Variants in CHODL observed in about 807,000 individuals in gnomAD.
CHODL encodes the protein chondrolectin, also known as transmembrane protein MT75.
A neutral mutation model predicts 34.5 loss-of-function variants in CHODL; 29 were observed. The ratio of observed to expected loss-of-function variants is 0.84; its 90% CI spans 0.63 to 1.15. The LOEUF (loss-of-function observed/expected upper bound fraction) is 1.15. Among genes scored for constraint, CHODL ranks in the 50% most tolerant of loss-of-function variants. CHODL has a pLI of 0.00. For synonymous variants in CHODL, 125 were observed against 116.1 expected, an observed-to-expected ratio of 1.08 and a Z score of -0.49; for missense variants, 332 against 332.5, an observed-to-expected ratio of 1.00 and a Z score of 0.01.
At chr21:18,117,764 T>C (rs2065431297) in intron 2 of CHODL, among the ~76,000 whole-genome samples, 1 of 151,824 alleles carries the variant, frequency 6.6e-6, no homozygotes, top group Non-Finnish European at 1.5e-5. Context: ...ATAGACATTT[T>C]AAAAGGGAGG....
At chr21:17,955,721 A>G (rs1450519390) in intron 1 of CHODL, among the ~76,000 whole-genome samples, 1 of 136,718 alleles carries the variant, frequency 7.3e-6, no homozygotes, top group Non-Finnish European at 1.7e-5. Context: ...TGCTTTAGGG[A>G]AAAAAATTGC....
At chr21:18,102,655 T>C (rs2065229620) in intron 2 of CHODL, among the ~76,000 whole-genome samples, 1 of 152,194 alleles carries the variant, frequency 6.6e-6, no homozygotes, top group African/African-American at 2.4e-5. Context: ...GAAATACCTA[T>C]TGCTCTTTAT....
At chr21:18,054,600 T>C (rs1204698324) in intron 2 of CHODL, among the ~76,000 whole-genome samples, 1 of 151,870 alleles carries the variant, frequency 6.6e-6, no homozygotes, top group Non-Finnish European at 1.5e-5. Flanking sequence ...TACCAGGGCA[T>C]AGGGTGTAAG....
intron 2 of CHODL, among the ~76,000 whole-genome samples, chr21:18,108,837 T>TTGTGTG (rs68066729): frequency 0.055 from 8,079 of 146,126 alleles, 306 homozygotes; most frequent in Non-Finnish European, 0.078. Flanking sequence ...CTTTGCAATG[T>TTGTGTG]TGTGTGTGTG....
chr21:18,173,008 T>A (rs781464271), intron 2 of CHODL, among the ~76,000 whole-genome samples: 1 of 152,162 alleles, frequency 6.6e-6, no homozygotes, highest in Non-Finnish European at 1.5e-5. Context: ...GGCTCTCAGC[T>A]CCTAGAGGCC....
chr21:17,993,249 T>C (rs1045468713), intron 1 of CHODL, among the ~76,000 whole-genome samples: 3 of 152,160 alleles, frequency 2.0e-5, no homozygotes, highest in Non-Finnish European at 2.9e-5. Context: ...CAGGGATACA[T>C]GTGCAGGTTT....
chr21:17,958,268 A>G (rs1023356907), intron 1 of CHODL, among the ~76,000 whole-genome samples: 4 of 151,858 alleles, frequency 2.6e-5, no homozygotes, highest in Admixed American at 6.6e-5. Flanking sequence ...ATAGTTTTCT[A>G]TTTTTCTCAT....
rs539769703 is a variant in CHODL at position 18,179,548 on chromosome 21, G to C, written c.-44-76961G>C. On this transcript the variant is annotated intron_variant, in intron 2 of 6. Coordinates refer to the CHODL transcript ENST00000400127. ...AGAGTTGTGGCAGTTTTACCCTTTA[G>C]TCAAAGAACAGCTTTTGGGGATAAG... 5.3e-5 allele frequency among the ~76,000 whole-genome samples: 8 copies of C among 152,134 alleles called. No individual in the cohort carries two copies. In the South Asian group the frequency reaches 1.7e-3, roughly 32 times the overall value.
chr21:18,070,024 CT>C (rs1568870099), intron 2 of CHODL, among the ~76,000 whole-genome samples: 8 of 69,816 alleles, frequency 1.1e-4, no homozygotes, highest in Non-Finnish European at 2.1e-4. Context: ...CTTCCCTTCC[CT>C]CCCCCCCCCC....
chr21:18,203,143 G>A lies in CHODL; in HGVS notation c.-44-53366G>A, dbSNP rs1383564829. On this transcript the variant is annotated intron_variant, in intron 2 of 6. Transcript: ENST00000400127. ...TTCACTTACATTATTTAGTGTTTCT[G>A]GGTTTACAAGAACTTTGTTTTGCTT... Among the ~76,000 whole-genome samples, 3 of 152,180 alleles carry A rather than the reference G, an allele frequency of 2.0e-5. No individual in the cohort carries two copies. The South Asian group carries it at 6.2e-4, about 32-fold the overall frequency.
intron 1 of CHODL, among the ~76,000 whole-genome samples, chr21:18,248,293 G>A (rs1305066530): frequency 6.6e-6 from 1 of 151,466 alleles, no homozygotes; most frequent in Non-Finnish European, 1.5e-5. Context: ...TATATACCAA[G>A]GGAGATACAA....
intron 2 of CHODL, among the ~76,000 whole-genome samples, chr21:18,095,516 A>T (rs1159380180): frequency 1.3e-5 from 2 of 152,180 alleles, no homozygotes; most frequent in Admixed American, 1.3e-4. Flanking sequence ...CCATATTAAA[A>T]TGTCTTTCAG....
At chr21:17,961,413 A>G (rs1172752007) in intron 1 of CHODL, among the ~76,000 whole-genome samples, 1 of 152,248 alleles carries the variant, frequency 6.6e-6, no homozygotes, top group Non-Finnish European at 1.5e-5. Context: ...GACATCTTGC[A>G]CTGCTGCTTT....
chr21:18,146,132 TA>T (rs1430690366), intron 2 of CHODL, among the ~76,000 whole-genome samples: 1 of 139,792 alleles, frequency 7.2e-6, no homozygotes, highest in East Asian at 2.0e-4. Context: ...CACGCCCGGT[TA>T]ATTTTTTTTT....
Position 18,206,863 on chromosome 21 carries a change from C to CATTATTATT in CHODL, c.-44-49621_-44-49613dup, listed in dbSNP as rs138294885. 5.0e-3 allele frequency among the ~76,000 whole-genome samples: 729 copies of CATTATTATT among 146,076 alleles called. 9 individuals are homozygous for CATTATTATT. Among genetic ancestry groups the CATTATTATT allele is most frequent in the African/African-American group, 0.017 (682 of 39,740 alleles). ...GGCTTGCAAATAATATCTTATAACC[C>CATTATTATT]ATTATTATTATTATTATTATTATTA... is the stretch of plus-strand genomic sequence containing the variant. On this transcript the variant is annotated intron_variant, in intron 2 of 6. Transcript: ENST00000400127.
chr21:18,033,691 A>T (rs990370294), intron 2 of CHODL, among the ~76,000 whole-genome samples: 2 of 151,946 alleles, frequency 1.3e-5, no homozygotes, highest in Non-Finnish European at 2.9e-5. Context: ...TGGGTATAGT[A>T]GGGTATAGCC....
In CHODL at chr21:18,149,172, CTG is replaced by C. The variant is rs571148677; in HGVS notation, c.-44-107334_-44-107333del. ...TTTGAAGGGAAAAACAAAAGGAAAA[CTG>C]TGCTTTTCAGATGAATCACTCTCTT... On this transcript the variant is annotated intron_variant, in intron 2 of 6. Transcript: ENST00000400127. 1.8e-4 allele frequency among the ~76,000 whole-genome samples: 28 copies of C among 152,312 alleles called. No homozygotes were observed. In the East Asian group the frequency reaches 4.8e-3, roughly 26 times the overall value.
chr21:18,058,307 C>A (rs544672447), intron 2 of CHODL, among the ~76,000 whole-genome samples: 2 of 152,210 alleles, frequency 1.3e-5, no homozygotes, highest in South Asian at 2.1e-4. Flanking sequence ...CCTCAAAAAA[C>A]CAGAAATAGA....
chr21:18,013,729 G>A lies in CHODL; in HGVS notation c.-144-14143G>A, dbSNP rs373787796. ...GGTTCACTGCAACCTCTGCCGCCTG[G>A]GTTCAAGCAATTCTCCTCTCTCAGC... On this transcript the variant is annotated intron_variant, in intron 1 of 6. Transcript: ENST00000400127. Among the ~76,000 whole-genome samples the A allele has an allele frequency of 1.2e-3, 172 of 144,162 alleles. 1 individual carries two copies. Among genetic ancestry groups the A allele is most frequent in the Middle Eastern group, 7.5e-3 (2 of 268 alleles). 94.6% of individuals were successfully genotyped at this position (144,162 alleles called of 152,430 possible).
Sources: allele counts gnomAD v4.1 joint callset (sites outside exome capture counted in the v4.1 genomes callset), GRCh38; gene constraint gnomAD v4.1.1; transcripts MANE v1.5; gene names NCBI Gene and HGNC (gene_info 2026-07-23, HGNC 2026-07-21).